The following CSMD1 variants were observed in gnomAD, a reference collection of about 807,000 sequenced individuals.
CSMD1 encodes the protein CUB and Sushi multiple domains 1, also known as CUB and sushi domain-containing protein 1.
In CSMD1, 213 loss-of-function variants were observed where a neutral mutation model predicts 417.5. The ratio of observed to expected loss-of-function variants is 0.51; its 90% CI spans 0.46 to 0.57. CSMD1 has a LOEUF of 0.57. Among genes scored for constraint, CSMD1 ranks in the 20% least tolerant of loss-of-function variants. The pLI is 0.00. For synonymous variants in CSMD1, 2,862 were observed against 1,736.8 expected (o/e 1.65, Z -16.11); for missense variants, 6,923 against 4,529.7 (o/e 1.53, Z -15.17).
At chr8:3,385,144 T>C (rs976275447) in intron 18 of CSMD1, among the ~76,000 whole-genome samples, 7 of 134,386 alleles carry the variant, frequency 5.2e-5, no homozygotes, top group African/African-American at 1.9e-4. Flanking sequence ...TAATACATAA[T>C]ATATAAATAT....
At chr8:3,009,194 G>A (rs1808195148) in intron 52 of CSMD1, among the ~76,000 whole-genome samples, 1 of 152,194 alleles carries the variant, frequency 6.6e-6, no homozygotes, top group African/African-American at 2.4e-5. Flanking sequence ...TGCCCCTAGA[G>A]GGGCCTACTT....
At chr8:3,434,239 T>A (rs192388344) in intron 12 of CSMD1, among the ~76,000 whole-genome samples, 1 of 152,214 alleles carries the variant, frequency 6.6e-6, no homozygotes, top group African/African-American at 2.4e-5. Context: ...CTCTGTAAGG[T>A]ACGACTAAAT....
chr8:4,007,075 T>C (rs1023889832), intron 4 of CSMD1, among the ~76,000 whole-genome samples: 11 of 152,062 alleles, frequency 7.2e-5, no homozygotes, highest in Admixed American at 5.9e-4. Context: ...CCTCACTTCG[T>C]GATCCAGCCA....
chr8:3,122,085 AAC>A (rs1159455319), intron 41 of CSMD1, among the ~76,000 whole-genome samples: 4 of 152,250 alleles, frequency 2.6e-5, no homozygotes, highest in Admixed American at 6.5e-5. Flanking sequence ...TGAAATTAGA[AAC>A]AGTGTTTGAA....
At chr8:4,979,977 G>C (rs562840937) in intron 1 of CSMD1, among the ~76,000 whole-genome samples, 1 of 152,178 alleles carries the variant, frequency 6.6e-6, no homozygotes, top group Non-Finnish European at 1.5e-5. Context: ...GGCGCAGCTT[G>C]CAGTGAGCCA....
chr8:3,781,769 T>A (rs1799200161), intron 5 of CSMD1, among the ~76,000 whole-genome samples: 1 of 152,208 alleles, frequency 6.6e-6, no homozygotes, highest in South Asian at 2.1e-4. Context: ...AACAGAGGGC[T>A]TAGAAATGCT....
chr8:3,930,647 C>T (rs1048010215), intron 5 of CSMD1, among the ~76,000 whole-genome samples: 1 of 150,164 alleles, frequency 6.7e-6, no homozygotes, highest in Non-Finnish European at 1.5e-5. Context: ...GACCCTGTCT[C>T]CTTTGTTCGG....
chr8:4,067,345 C>G (rs1023953918), intron 3 of CSMD1, among the ~76,000 whole-genome samples: 1 of 152,140 alleles, frequency 6.6e-6, no homozygotes, highest in Non-Finnish European at 1.5e-5. Flanking sequence ...AGGTATAATT[C>G]AGGGAATTTT....
chr8:4,556,921 A>C (rs1798121195), intron 2 of CSMD1, among the ~76,000 whole-genome samples: 1 of 152,204 alleles, frequency 6.6e-6, no homozygotes, highest in African/African-American at 2.4e-5. Context: ...TTCTTGCCCC[A>C]GCATTTCAGA....
At chr8:3,876,936 C>T (rs1268656143) in intron 5 of CSMD1, among the ~76,000 whole-genome samples, 1 of 152,170 alleles carries the variant, frequency 6.6e-6, no homozygotes, top group Non-Finnish European at 1.5e-5. Flanking sequence ...GGCTTTTTAT[C>T]ATGATTTATT....
At chr8:3,948,758 G>A (rs1811411216) in intron 5 of CSMD1, among the ~76,000 whole-genome samples, 1 of 152,068 alleles carries the variant, frequency 6.6e-6, no homozygotes, top group South Asian at 2.1e-4. Flanking sequence ...GAAAAGATGA[G>A]CATTTCTTCA....
intron 3 of CSMD1, among the ~76,000 whole-genome samples, chr8:4,053,853 T>A (rs1798559394): frequency 6.6e-6 from 1 of 152,208 alleles, no homozygotes; most frequent in Non-Finnish European, 1.5e-5. Flanking sequence ...TAGGTTGGTT[T>A]ATATATTGAC....
At chr8:3,516,286 C>G (rs115380836) in intron 10 of CSMD1, among the ~76,000 whole-genome samples, 2 of 152,154 alleles carry the variant, frequency 1.3e-5, no homozygotes, top group Non-Finnish European at 2.9e-5. Flanking sequence ...CCAGTAAATG[C>G]TAAGTTCTGG....
chr8:4,747,601 C>T (rs1811040226), intron 1 of CSMD1, among the ~76,000 whole-genome samples: 1 of 152,166 alleles, frequency 6.6e-6, no homozygotes, highest in African/African-American at 2.4e-5. Context: ...GAATGTTGTG[C>T]TTCTCTCTTT....
intron 17 of CSMD1, among the ~76,000 whole-genome samples, chr8:3,393,647 T>A (rs1811481971): frequency 6.6e-6 from 1 of 151,990 alleles, no homozygotes; most frequent in South Asian, 2.1e-4. Flanking sequence ...CACAATGGAA[T>A]AGTATGCAAC....
At chr8:3,818,165 C>G (rs976243165) in intron 5 of CSMD1, among the ~76,000 whole-genome samples, 1 of 151,992 alleles carries the variant, frequency 6.6e-6, no homozygotes, top group Admixed American at 6.6e-5. Context: ...CTCTGACACT[C>G]ATAGGATGCC....
chr8:3,001,894 T>C (rs966971869), intron 52 of CSMD1, among the ~76,000 whole-genome samples: 22 of 152,206 alleles, frequency 1.4e-4, no homozygotes, highest in African/African-American at 5.1e-4. Context: ...TATATCCTTC[T>C]AGGGAGATTT....
chr8:4,402,532 C>G lies in CSMD1; in HGVS notation c.415+17421G>C, dbSNP rs551593499. Among the ~76,000 whole-genome samples the G allele has an allele frequency of 2.6e-5, 4 of 152,296 alleles. 1 individual carries two copies. Among genetic ancestry groups the G allele is most frequent in the African/African-American group, 9.6e-5 (4 of 41,562 alleles). ...CATATAGCAGCCCCAAAATTATGCT[C>G]AATTCTCACAGCCTCTTTATTCTTC... On this transcript the variant is annotated intron_variant, in intron 3 of 69. Transcript: ENST00000635120.
rs150333441 is a variant in CSMD1 at position 4,147,089 on chromosome 8, A to G, written c.416-114990T>C. Among the ~76,000 whole-genome samples the G allele has an allele frequency of 4.9e-3, 740 of 151,754 alleles. 9 individuals carry two copies. Among genetic ancestry groups the G allele is most frequent in the Non-Finnish European group, 5.0e-3 (341 of 67,896 alleles). ...CCTAACTCCAGCTGTCCTCACTCCA[A>G]TGACTGTTTAGAACCATCCCCTCCT... On this transcript the variant is annotated intron_variant, in intron 3 of 69. Transcript: ENST00000635120.
Sources: gnomAD v4.1 joint callset for allele counts (sites outside exome capture counted in the v4.1 genomes callset) on GRCh38, gnomAD v4.1.1 for gene constraint, MANE v1.5 for transcripts, NCBI Gene and HGNC (gene_info 2026-07-23, HGNC 2026-07-21) for gene names.